Variants in MECOM observed in about 807,000 individuals in gnomAD.
MECOM encodes the protein MDS1 and EVI1 complex locus, also known as histone-lysine N-methyltransferase MECOM.
MECOM carries 13 observed loss-of-function variants against 116.3 expected under a neutral mutation model. That is an observed-to-expected ratio of 0.11 (90% CI 0.07 to 0.18). The LOEUF (loss-of-function observed/expected upper bound fraction) is 0.18. Ranked by LOEUF, MECOM falls within the 10% of genes least tolerant of loss-of-function variation. The probability of loss-of-function intolerance (pLI) is 1.00; values close to 1 mark genes in which losing one functional copy is unlikely to be tolerated. For synonymous variants in MECOM, 528 were observed against 535.2 expected (o/e 0.99, Z 0.19); for missense variants, 1,299 against 1,509.0 (o/e 0.86, Z 2.31).
In MECOM at chr3:169,533,591, T is replaced by TTTTTTTTTTTAC. The variant is rs55667588; in HGVS notation, c.37+129744_37+129745insGTAAAAAAAAAA. Among the ~76,000 whole-genome samples the TTTTTTTTTTTAC allele has an allele frequency of 7.9e-4, 104 of 132,230 alleles. 6 individuals carry two copies. Among genetic ancestry groups the TTTTTTTTTTTAC allele is most frequent in the African/African-American group, 1.7e-3 (60 of 34,394 alleles). The allele number at this position is 132,230 out of a possible 152,430, so 86.7% of individuals were successfully genotyped here. On this transcript the variant is annotated intron_variant, in intron 1 of 16. Transcript: ENST00000651503. ...CCCAGTGCTGATTTTTTTTTTTTTT[T>TTTTTTTTTTTAC]ATTTCCTTATGTCGTTGGGGGCCTG...
At chr3:169,271,618 G>T (rs1354249922) in intron 2 of MECOM, among the ~76,000 whole-genome samples, 2 of 152,114 alleles carry the variant, frequency 1.3e-5, no homozygotes, top group Admixed American at 6.6e-5. Flanking sequence ...TGCAGTTGGG[G>T]GCTGGGGGAT....
At chr3:169,517,395 A>G (rs763732118) in intron 1 of MECOM, among the ~76,000 whole-genome samples, 1 of 152,222 alleles carries the variant, frequency 6.6e-6, no homozygotes, top group Non-Finnish European at 1.5e-5. Context: ...ACTTTTAAGC[A>G]GATTGTATCT....
At chr3:169,290,432 C>A (rs974893615) in intron 2 of MECOM, among the ~76,000 whole-genome samples, 1 of 151,932 alleles carries the variant, frequency 6.6e-6, no homozygotes, top group Non-Finnish European at 1.5e-5. Flanking sequence ...TTTAAAATAA[C>A]CTTTAAACGT....
intron 1 of MECOM, among the ~76,000 whole-genome samples, chr3:169,567,345 A>G (rs931965463): frequency 6.6e-6 from 1 of 152,228 alleles, no homozygotes; most frequent in African/African-American, 2.4e-5. Context: ...TTCATTTCCC[A>G]TCACCCCCAC....
Position 169,115,667 on chromosome 3 carries a change from C to A in MECOM, c.2205G>T (p.Lys735Asn). The change falls in exon 8 of 17, where the codon AAG (lysine) becomes AAT (asparagine). Residue 735 changes from lysine to asparagine, a missense_variant. This residue lies in a region of MECOM where 340 missense variants were observed against 312.6 expected (regional missense o/e 1.09). Transcript: ENST00000651503. ...QSPGEVKKLQ[K>N]GSSESPFDLT... The stretch of plus-strand genomic sequence containing the variant: ...GATCAAAGGGGGACTCAGAGCTGCC[C>A]TTCTGCAGTTTCTTTACTTCACCTG... The A allele has an allele frequency of 6.2e-7, 1 of 1,614,136 alleles. No homozygotes were observed.
At chr3:169,178,637 G>A (rs940419034) in intron 2 of MECOM, among the ~76,000 whole-genome samples, 1 of 152,114 alleles carries the variant, frequency 6.6e-6, no homozygotes, top group Admixed American at 6.5e-5. Flanking sequence ...AAGCAATAGT[G>A]CCCCCATGAT....
chr3:169,478,234 A>G (rs1750775196), intron 1 of MECOM, among the ~76,000 whole-genome samples: 1 of 152,218 alleles, frequency 6.6e-6, no homozygotes, highest in African/African-American at 2.4e-5. Context: ...TGCATGTATC[A>G]TTAATGTCAT....
At chr3:169,305,564 T>A (rs1717523487) in intron 2 of MECOM, among the ~76,000 whole-genome samples, 3 of 152,150 alleles carry the variant, frequency 2.0e-5, no homozygotes, top group Non-Finnish European at 1.5e-5. Context: ...AAGATAATGG[T>A]AAACTTATGC....
intron 2 of MECOM, among the ~76,000 whole-genome samples, chr3:169,347,614 A>G (rs1725586654): frequency 1.3e-5 from 2 of 152,082 alleles, no homozygotes; most frequent in African/African-American, 4.8e-5. Flanking sequence ...TAACTGAAAG[A>G]TATCTACAAG....
chr3:169,084,166 C>T lies in MECOM; in HGVS notation c.*743G>A, dbSNP rs1295170974. Reference sequence around the variant, plus strand: ...AAAAAATAAACATTAAAAACAGTGACATGATTGTCTAAAATTAAGATGTTA... The same window carrying T: ...AAAAAATAAACATTAAAAACAGTGATATGATTGTCTAAAATTAAGATGTTA... On this transcript the variant is annotated 3_prime_UTR_variant, in exon 17 of 17. Transcript: ENST00000651503. 2 of 231,912 alleles carry T rather than the reference C, an allele frequency of 8.6e-6. No individual in the cohort carries two copies. Among genetic ancestry groups the T allele is most frequent in the African/African-American group, 2.2e-5 (1 of 45,290 alleles). 14.4% of individuals were successfully genotyped at this position (231,912 alleles called of 1,614,324 possible).
At chr3:169,407,301 T>C (rs1287304590) in intron 1 of MECOM, among the ~76,000 whole-genome samples, 1 of 152,210 alleles carries the variant, frequency 6.6e-6, no homozygotes, top group Non-Finnish European at 1.5e-5. Context: ...ACTTTGCTCC[T>C]CTCTATAAGG....
intron 2 of MECOM, among the ~76,000 whole-genome samples, chr3:169,353,963 A>G (rs1726824131): frequency 6.6e-6 from 1 of 151,896 alleles, no homozygotes; most frequent in African/African-American, 2.4e-5. Flanking sequence ...TAAGTAAATC[A>G]AAGAATATTT....
At chr3:169,612,124 T>C (rs75916857) in intron 1 of MECOM, among the ~76,000 whole-genome samples, 1 of 152,316 alleles carries the variant, frequency 6.6e-6, no homozygotes, top group East Asian at 1.9e-4. Context: ...TAACTCCCAG[T>C]TGAGAATCAC....
At chr3:169,472,660 A>AAAGAGAGGAGAGGAGAGGAG (rs1749713266) in intron 1 of MECOM, among the ~76,000 whole-genome samples, 1 of 105,910 alleles carries the variant, frequency 9.4e-6, no homozygotes, top group African/African-American at 5.8e-5. Context: ...AAAGAAAAGA[A>AAAGAGAGGAGAGGAGAGGAG]AGGAAAGGAA....
chr3:169,587,897 T>G (rs368691933), intron 1 of MECOM, among the ~76,000 whole-genome samples: 2 of 152,202 alleles, frequency 1.3e-5, no homozygotes, highest in South Asian at 2.1e-4. Flanking sequence ...TTTAAATGAA[T>G]CCCTTTATCC....
chr3:169,504,150 AGTGTGT>A (rs3044764), intron 1 of MECOM, among the ~76,000 whole-genome samples: 6,967 of 132,626 alleles, frequency 0.053, 556 homozygotes, highest in African/African-American at 0.18. Flanking sequence ...GAAAAAGAGA[AGTGTGT>A]GTGTGTGTGT....
chr3:169,390,871 T>G (rs1183222501), intron 1 of MECOM, among the ~76,000 whole-genome samples: 1 of 152,122 alleles, frequency 6.6e-6, no homozygotes, highest in Non-Finnish European at 1.5e-5. Flanking sequence ...GTGAAAATAT[T>G]CAAAACAACC....
chr3:169,246,710 CA>C (rs556667611), intron 2 of MECOM, among the ~76,000 whole-genome samples: 28 of 152,076 alleles, frequency 1.8e-4, no homozygotes, highest in South Asian at 6.2e-4. Flanking sequence ...TTAGTAGAGA[CA>C]GGGTTTTACT....
In MECOM at chr3:169,441,744, T is replaced by TTTTTTTG. The variant is rs1237906532; in HGVS notation, c.38-60221_38-60220insCAAAAAA. Among the ~76,000 whole-genome samples the TTTTTTTG allele has an allele frequency of 7.0e-5, 10 of 142,016 alleles. 3 individuals carry two copies. Among genetic ancestry groups the TTTTTTTG allele is most frequent in the Non-Finnish European group, 1.3e-4 (8 of 63,440 alleles). 93.2% of individuals were successfully genotyped at this position (142,016 alleles called of 152,430 possible). A position where few individuals can be genotyped will look rare whatever the true frequency, so the allele number is the denominator to read the frequency against. ...TCTTCTCTTCTTTTTTTTTTTTTTT[T>TTTTTTTG]AAAAAAGGGGGGGTCTTGCTCTGTC... On this transcript the variant is annotated intron_variant, in intron 1 of 16. Coordinates refer to ENST00000651503, the MANE Select transcript of MECOM (RefSeq NM_004991.4).
Sources: allele counts gnomAD v4.1 joint callset (sites outside exome capture counted in the v4.1 genomes callset), GRCh38; gene constraint gnomAD v4.1.1; regional missense constraint gnomAD v4.1.1; transcripts MANE v1.5; gene names NCBI Gene and HGNC (gene_info 2026-07-23, HGNC 2026-07-21).